NDRG2: variants seen among roughly 807,000 people sequenced by gnomAD.
NDRG2 encodes protein NDRG2.
NDRG2 carries 34 observed loss-of-function variants against 58.2 expected under a neutral mutation model. That is an observed-to-expected ratio of 0.58 (90% confidence interval 0.44 to 0.78). NDRG2 has a LOEUF of 0.78. Among genes scored for constraint, NDRG2 ranks in the 30% least tolerant of loss-of-function variants. NDRG2 has a pLI of 0.00. For missense variants in NDRG2, 434 were observed against 471.2 expected (o/e 0.92, Z 0.73); for synonymous variants, 187 against 175.9 (o/e 1.06, Z -0.50).
At chr14:21,030,775 A>G, upstream of NDRG2, 1 of 1,611,118 alleles carries the variant, frequency 6.2e-7, no homozygotes, top group Non-Finnish European at 8.5e-7. Flanking sequence ...AAAAATATGG[A>G]GGTGGGGGTG....
chr14:21,021,595 C>A, intron 6 of NDRG2: 1 of 572,910 alleles, frequency 1.7e-6, no homozygotes, highest in South Asian at 2.1e-5. Flanking sequence ...AAGCATAGAC[C>A]CTTTTCCTTC....
chr14:21,043,274 T>TA (rs1276070600), intron 1 of NDRG2: 1 of 1,614,028 alleles, frequency 6.2e-7, no homozygotes, highest in Non-Finnish European at 8.5e-7. Flanking sequence ...AGAATGGCGA[T>TA]AAAAACTGCC....
intron 1 of NDRG2, among the ~76,000 whole-genome samples, chr14:21,064,589 A>T (rs577013004): frequency 6.6e-6 from 1 of 152,234 alleles, no homozygotes; most frequent in East Asian, 1.9e-4. Context: ...GGTGTGAGCC[A>T]CCGCACCCAG....
intron 6 of NDRG2, chr14:21,021,115 C>T: frequency 8.1e-6 from 5 of 613,800 alleles, no homozygotes; most frequent in Non-Finnish European, 1.5e-5. Flanking sequence ...CCAACCAACA[C>T]ACTGTTTTCC....
At chr14:21,038,768 G>A (rs1411559226) in intron 1 of NDRG2, among the ~76,000 whole-genome samples, 2 of 152,190 alleles carry the variant, frequency 1.3e-5, no homozygotes. Flanking sequence ...CAAGGCCCCA[G>A]TGAACCCCCA....
Position 21,025,011 on chromosome 14 carries a change from GC to G in NDRG2, c.-989del, listed in dbSNP as rs1188040427. ...CGCCTTCCAGGCCCTACGGCCCCTC[GC>G]CTGCCCCTCCCCCTACCTGCTGCCG... On this transcript the variant is annotated 5_prime_UTR_variant, in exon 1 of 16. Transcript: ENST00000556147. This position sits in a 1 kb window ranked among gnomAD's most constrained non-coding sequence, Gnocchi z 5.1. 1 of 984,496 alleles carries G rather than the reference GC, an allele frequency of 1.0e-6. No individual in the cohort carries two copies. The allele number at this position is 984,496 out of a possible 1,614,324, so 61.0% of individuals were successfully genotyped here.
In NDRG2 at chr14:21,019,655, A is replaced by C; in HGVS notation, c.700T>G (p.Trp234Gly). 1 of 1,611,674 alleles carries C rather than the reference A, an allele frequency of 6.2e-7. No individual in the cohort carries two copies. Among genetic ancestry groups the C allele is most frequent in the Non-Finnish European group, 8.5e-7 (1 of 1,177,872 alleles). The part of the protein sequence containing the change: ...APNLDNIELY[W>G]NSYNNRRDLN... ...CCCACCCACTTGTTGTAGCTGTTCC[A>C]GTACAATTCAATGTTATCCAGGTTG... Residue 234 changes from tryptophan (W) to glycine (G), a missense_variant, in exon 10 of 16, where the codon TGG becomes GGG. Transcript: ENST00000556147.
At chr14:21,031,326 G>C in intron 1 of NDRG2, 1 of 924,290 alleles carries the variant, frequency 1.1e-6, no homozygotes, top group South Asian at 2.1e-5. Flanking sequence ...GTGGCCCAGA[G>C]AAGGGAAGTG....
chr14:21,041,191 C>T (rs1884879921), intron 1 of NDRG2, among the ~76,000 whole-genome samples: 2 of 152,082 alleles, frequency 1.3e-5, no homozygotes, highest in South Asian at 2.1e-4. Context: ...GACAGGGTTT[C>T]GCCACATTGC....
At chr14:21,030,849 T>C (rs946889576) in intron 1 of NDRG2, 2 of 1,520,672 alleles carry the variant, frequency 1.3e-6, no homozygotes, top group Non-Finnish European at 1.8e-6. Context: ...GCAGTGGGCC[T>C]ACCAAGCACC....
rs577125513 is a variant in NDRG2 at position 21,023,965 on chromosome 14, G to C, written c.-7+65C>G. On this transcript the variant is annotated intron_variant, in intron 1 of 15. Transcript: ENST00000556147. The stretch of plus-strand genomic sequence containing the variant: ...CGCAAGTTCAACATTAGTGGGTGAG[G>C]AGCAGAGCACCTGGACAGACCTGCA... The C allele has an allele frequency of 4.9e-4, 484 of 986,646 alleles. No homozygotes were observed. In the Middle Eastern group the frequency reaches 0.011, roughly 22 times the overall value. The allele number at this position is 986,646 out of a possible 1,614,324, so 61.1% of individuals were successfully genotyped here. A position where few individuals can be genotyped will look rare whatever the true frequency, so the allele number is the denominator to read the frequency against.
At chr14:21,058,401 C>T (rs766491351) in intron 1 of NDRG2, 63 of 1,382,184 alleles carry the variant, frequency 4.6e-5, no homozygotes, top group Non-Finnish European at 6.2e-5. Flanking sequence ...AGACTGTATG[C>T]TGCTGCTTTT....
chr14:21,033,615 G>A (rs749658923), intron 1 of NDRG2: 3 of 598,712 alleles, frequency 5.0e-6, no homozygotes, highest in Non-Finnish European at 9.0e-6. Context: ...CGAAGAGGGG[G>A]TAAACAAGCT....
At chr14:21,023,979 G>C (rs1014050245) in intron 1 of NDRG2, 51 bp downstream of exon 1, 1 of 986,286 alleles carries the variant, frequency 1.0e-6, no homozygotes, top group African/African-American at 1.7e-5. Flanking sequence ...AGAGCACCTG[G>C]ACAGACCTGC....
intron 1 of NDRG2, among the ~76,000 whole-genome samples, chr14:21,040,718 G>T (rs1431891669): frequency 6.6e-6 from 1 of 152,146 alleles, no homozygotes; most frequent in East Asian, 1.9e-4. Context: ...TCTGCTCTGG[G>T]GCTTTTGCAG....
At chr14:21,061,682 C>G (rs1340329830) in intron 1 of NDRG2, among the ~76,000 whole-genome samples, 1 of 152,064 alleles carries the variant, frequency 6.6e-6, no homozygotes, top group African/African-American at 2.4e-5. Flanking sequence ...GTTCTAACAT[C>G]CAGAAAATTT....
At chr14:21,068,993 G>A (rs1293560715) in intron 1 of NDRG2, among the ~76,000 whole-genome samples, 1 of 152,242 alleles carries the variant, frequency 6.6e-6, no homozygotes, top group African/African-American at 2.4e-5. Context: ...GGAACTGCAG[G>A]CGAGGCCAGA....
At chr14:21,043,401 C>T (rs1206718043) in intron 1 of NDRG2, 2 of 1,611,416 alleles carry the variant, frequency 1.2e-6, no homozygotes, top group Non-Finnish European at 1.7e-6. Flanking sequence ...CTGTAAGCCT[C>T]CCCAGAAAAA....
At chr14:21,046,547 A>ATACATACATACC (rs199982092) in intron 1 of NDRG2, among the ~76,000 whole-genome samples, 3,695 of 65,930 alleles carry the variant, frequency 0.056, 56 homozygotes, top group East Asian at 0.15. Flanking sequence ...AAACAAATAC[A>ATACATACATACC]TACATACATA....
Sources: allele counts gnomAD v4.1 joint callset (sites outside exome capture counted in the v4.1 genomes callset), GRCh38; gene constraint gnomAD v4.1.1; non-coding constraint Gnocchi (gnomAD v3.1); transcripts MANE v1.5; gene names NCBI Gene and HGNC (gene_info 2026-07-23, HGNC 2026-07-21).